MAD1L1: variants seen among roughly 807,000 people sequenced by gnomAD.
MAD1L1 encodes the protein mitotic arrest deficient 1 like 1, also known as mitotic spindle assembly checkpoint protein MAD1.
A neutral mutation model predicts 96.9 loss-of-function variants in MAD1L1; 95 were observed. The observed-to-expected ratio is 0.98, with a 90% CI of 0.83 to 1.16. The LOEUF is 1.16. MAD1L1 is among the 50% of genes most tolerant of loss of function. MAD1L1 has a pLI of 0.00. For synonymous variants in MAD1L1, 473 were observed against 396.6 expected, an observed-to-expected ratio of 1.19 and a Z score of -2.29; for missense variants, 1,007 against 954.4, an observed-to-expected ratio of 1.06 and a Z score of -0.73.
chr7:2,020,889 T>C (rs1488798994), intron 12 of MAD1L1, among the ~76,000 whole-genome samples: 1 of 149,996 alleles, frequency 6.7e-6, no homozygotes, highest in African/African-American at 2.5e-5. Flanking sequence ...AGGCTAAAAC[T>C]GAAAGTAGCA....
At chr7:2,118,228 G>T (rs1787808918) in intron 11 of MAD1L1, among the ~76,000 whole-genome samples, 1 of 152,234 alleles carries the variant, frequency 6.6e-6, no homozygotes, top group African/African-American at 2.4e-5. Context: ...CCACTGGAGT[G>T]GATGGGGCAG....
intron 14 of MAD1L1, among the ~76,000 whole-genome samples, chr7:1,981,014 T>C (rs1422208367): frequency 1.3e-5 from 2 of 152,236 alleles, no homozygotes; most frequent in Non-Finnish European, 2.9e-5. Context: ...TCACCCAGGC[T>C]GGAGTGCAGT....
At chr7:1,874,707 G>T (rs1030390059) in intron 18 of MAD1L1, among the ~76,000 whole-genome samples, 2 of 152,092 alleles carry the variant, frequency 1.3e-5, no homozygotes, top group Admixed American at 1.3e-4. Flanking sequence ...GGGGCCTTGT[G>T]TGGCTCAGCA....
intron 16 of MAD1L1, among the ~76,000 whole-genome samples, chr7:1,942,273 C>T (rs1194241111): frequency 1.3e-5 from 2 of 152,178 alleles, no homozygotes; most frequent in Admixed American, 6.5e-5. Context: ...CCCGGCCCCT[C>T]CAGAAGGAGG....
intron 18 of MAD1L1, among the ~76,000 whole-genome samples, chr7:1,873,612 G>A (rs930442614): frequency 2.0e-5 from 3 of 152,152 alleles, no homozygotes; most frequent in Non-Finnish European, 4.4e-5. Context: ...GGATGGAGGG[G>A]TAGTGGGAGA....
chr7:2,118,123 G>A (rs1328940915), intron 11 of MAD1L1, among the ~76,000 whole-genome samples: 4 of 152,126 alleles, frequency 2.6e-5, no homozygotes, highest in African/African-American at 4.8e-5. Context: ...CTGTGCACCC[G>A]ACACTCATCC....
At chr7:1,912,385 C>T (rs1176459905) in intron 17 of MAD1L1, among the ~76,000 whole-genome samples, 1 of 152,218 alleles carries the variant, frequency 6.6e-6, no homozygotes, top group Admixed American at 6.5e-5. Context: ...GGTGACTCCT[C>T]CTGTTTGGGT....
intron 10 of MAD1L1, among the ~76,000 whole-genome samples, chr7:2,189,858 T>C (rs1791637066): frequency 6.6e-6 from 1 of 152,224 alleles, no homozygotes; most frequent in Non-Finnish European, 1.5e-5. Context: ...CTCAACCTGA[T>C]GAACAGTATC....
intron 11 of MAD1L1, among the ~76,000 whole-genome samples, chr7:2,147,567 C>T (rs1789371588): frequency 6.6e-6 from 1 of 152,208 alleles, no homozygotes; most frequent in Admixed American, 6.5e-5. Context: ...CCCCCAAGAC[C>T]CCATTTCACA....
Position 2,219,423 on chromosome 7 carries a change from G to A in MAD1L1, c.505C>T (p.Leu169=). Residue 169 remains leucine, a synonymous_variant, in exon 6 of 19, where the codon CTG becomes TTG. Coordinates refer to ENST00000265854, the MANE Select transcript of MAD1L1 (RefSeq NM_001013836.2). ...TCCTGGTCCATCACGCTCCACTGCA[G>A]TTCCGAGATCCTCCCCTTCAGTGCG... is the stretch of plus-strand genomic sequence containing the variant. The part of the protein sequence containing the change: ...INALKGRISE[L]QWSVMDQEMR... 13 of 1,613,612 alleles carry A rather than the reference G, an allele frequency of 8.1e-6. No individual in the cohort carries two copies. The highest frequency in any genetic ancestry group is 1.1e-5 in the Non-Finnish European group (13 of 1,179,848).
chr7:1,941,531 C>T (rs946438825), intron 16 of MAD1L1, among the ~76,000 whole-genome samples: 4 of 152,248 alleles, frequency 2.6e-5, no homozygotes, highest in Admixed American at 6.5e-5. Context: ...GCGCCCTGCA[C>T]TGCTGGCCCC....
At chr7:1,906,623 T>C (rs191374648) in intron 17 of MAD1L1, among the ~76,000 whole-genome samples, 9 of 152,330 alleles carry the variant, frequency 5.9e-5, no homozygotes, top group Admixed American at 2.6e-4. Context: ...TTCCCTGCAG[T>C]GCAACTGGGC....
chr7:1,851,823 G>C (rs1019469501), intron 18 of MAD1L1, among the ~76,000 whole-genome samples: 1 of 152,138 alleles, frequency 6.6e-6, no homozygotes, highest in Non-Finnish European at 1.5e-5. Context: ...GCCTGCCAAA[G>C]GCCAGGCCTC....
rs575111236 is a variant in MAD1L1 at position 1,888,509 on chromosome 7, CGT to C, written c.1998+9689_1998+9690del. Among the ~76,000 whole-genome samples the C allele has an allele frequency of 5.8e-4, 82 of 141,078 alleles. 1 individual carries two copies. Among genetic ancestry groups the C allele is most frequent in the African/African-American group, 2.0e-3 (73 of 37,036 alleles). 92.6% of individuals were successfully genotyped at this position (141,078 alleles called of 152,430 possible). On this transcript the variant is annotated intron_variant, in intron 18 of 18. Transcript: ENST00000265854. The stretch of plus-strand genomic sequence containing the variant: ...GCATGCATGTATGTGGCTGCCTGTT[CGT>C]GTGTGTGCATGCGTGTGTGGTTGCC...
chr7:1,910,970 A>C (rs1469321897), intron 17 of MAD1L1, among the ~76,000 whole-genome samples: 1 of 152,164 alleles, frequency 6.6e-6, no homozygotes, highest in Non-Finnish European at 1.5e-5. Context: ...CCGTGACCGG[A>C]GGCCCTGGCG....
intron 12 of MAD1L1, among the ~76,000 whole-genome samples, chr7:2,025,670 C>A (rs930006942): frequency 5.9e-5 from 9 of 152,162 alleles, no homozygotes; most frequent in African/African-American, 2.2e-4. Context: ...AAAACAGTAT[C>A]TTTTCAAACA....
intron 14 of MAD1L1, among the ~76,000 whole-genome samples, chr7:1,987,388 C>A (rs984441836): frequency 2.6e-5 from 4 of 152,258 alleles, no homozygotes; most frequent in Admixed American, 2.6e-4. Context: ...TTCCCAGGCA[C>A]GTCCAGCGTG....
intron 17 of MAD1L1, among the ~76,000 whole-genome samples, chr7:1,931,584 T>C (rs1789480956): frequency 6.6e-6 from 1 of 152,202 alleles, no homozygotes; most frequent in Non-Finnish European, 1.5e-5. Context: ...CCTTCTGGAC[T>C]TGAGCGCTCG....
rs1010683027 is a variant in MAD1L1, at chr7:1,888,270, CTGCCTG to C, written c.1998+9924_1998+9929del. Among the ~76,000 whole-genome samples the C allele has an allele frequency of 8.9e-5, 11 of 124,242 alleles. No homozygotes were observed. The Admixed American group carries it at 9.4e-4, about 11-fold the overall frequency. The allele number at this position is 124,242 out of a possible 152,430, so 81.5% of individuals were successfully genotyped here. On this transcript the variant is annotated intron_variant, in intron 18 of 18. Coordinates refer to ENST00000265854, the MANE Select transcript of MAD1L1 (RefSeq NM_001013836.2). ...TATGCATCTGTATGCATGGGTGCAG[CTGCCTG>C]TGCATGTGTGTGCATGCATGCGTCT...
Sources: allele counts gnomAD v4.1 joint callset (sites outside exome capture counted in the v4.1 genomes callset), GRCh38; gene constraint gnomAD v4.1.1; transcripts MANE v1.5; gene names NCBI Gene and HGNC (gene_info 2026-07-23, HGNC 2026-07-21).